INSC: variants seen among roughly 807,000 people sequenced by gnomAD.
INSC encodes the protein protein inscuteable homolog.
Under a neutral mutation model 58.6 loss-of-function variants are expected in INSC, and 67 were observed. The ratio of observed to expected loss-of-function variants is 1.14; its 90% CI spans 0.94 to 1.40. The LOEUF is 1.40. Ranked by LOEUF, INSC falls within the 40% of genes most tolerant of loss-of-function variation. INSC has a pLI of 0.00. For missense variants in INSC, 714 were observed against 692.0 expected (o/e 1.03, Z -0.36); for synonymous variants, 262 against 276.1 (o/e 0.95, Z 0.51).
At chr11:15,118,772 T>G (rs1847797638) in intron 1 of INSC, among the ~76,000 whole-genome samples, 1 of 152,212 alleles carries the variant, frequency 6.6e-6, no homozygotes, top group Non-Finnish European at 1.5e-5. Context: ...TAAAAGCCAG[T>G]AAGAGCATTG....
At chr11:15,258,167 C>T in the INSC span, among the ~76,000 whole-genome samples, 1 of 152,038 alleles carries the variant, frequency 6.6e-6, no homozygotes, top group African/African-American at 2.4e-5. Context: ...TAAACTATCC[C>T]AAAATGAATC....
chr11:15,254,257 G>C, the INSC span, among the ~76,000 whole-genome samples: 2 of 152,126 alleles, frequency 1.3e-5, no homozygotes, highest in South Asian at 2.1e-4. Flanking sequence ...AGAAAGTAGG[G>C]ACTTAGTACC....
chr11:15,200,472 G>C (rs1003906961), intron 6 of INSC, among the ~76,000 whole-genome samples: 1 of 152,026 alleles, frequency 6.6e-6, no homozygotes, highest in Non-Finnish European at 1.5e-5. Flanking sequence ...CCTGCTCTAT[G>C]GGAGGCTGCT....
intron 1 of INSC, among the ~76,000 whole-genome samples, chr11:15,115,621 G>T (rs1847673821): frequency 6.6e-6 from 1 of 152,144 alleles, no homozygotes; most frequent in African/African-American, 2.4e-5. Flanking sequence ...GAGACAGCTT[G>T]GGAGACCCCA....
chr11:15,215,916 C>T (rs891154584), intron 7 of INSC, among the ~76,000 whole-genome samples: 1 of 152,094 alleles, frequency 6.6e-6, no homozygotes, highest in Non-Finnish European at 1.5e-5. Context: ...GGGAAAATGA[C>T]CACTTCAGCT....
intron 6 of INSC, among the ~76,000 whole-genome samples, chr11:15,198,701 A>C (rs1850464877): frequency 1.3e-5 from 2 of 152,124 alleles, no homozygotes; most frequent in Admixed American, 1.3e-4. Flanking sequence ...CATCTGGAAG[A>C]AGGCTAGAAA....
chr11:15,266,587 A>G, the INSC span, among the ~76,000 whole-genome samples: 1 of 152,020 alleles, frequency 6.6e-6, no homozygotes, highest in South Asian at 2.1e-4. Context: ...TGTCCAAATT[A>G]GAAGCTATCT....
chr11:15,143,234 A>G (rs1848414589), intron 1 of INSC, among the ~76,000 whole-genome samples: 2 of 152,216 alleles, frequency 1.3e-5, no homozygotes, highest in Non-Finnish European at 2.9e-5. Context: ...CAATTGTGAT[A>G]AAGTCTATGG....
chr11:15,143,281 G>A (rs1848415908), intron 1 of INSC, among the ~76,000 whole-genome samples: 1 of 152,216 alleles, frequency 6.6e-6, no homozygotes, highest in South Asian at 2.1e-4. Context: ...ATCTTATAAT[G>A]AAGGACATGA....
intron 9 of INSC, among the ~76,000 whole-genome samples, chr11:15,226,300 G>A (rs1485324100): frequency 6.6e-6 from 1 of 152,114 alleles, no homozygotes; most frequent in Non-Finnish European, 1.5e-5. Flanking sequence ...TTATCTCCAT[G>A]AGAAACAGGG....
chr11:15,230,010 TATAATA>T, intron 9 of INSC, among the ~76,000 whole-genome samples: 1 of 28,176 alleles, frequency 3.5e-5, no homozygotes, highest in African/African-American at 1.6e-4. Context: ...TATATATATA[TATAATA>T]TATATATATA....
rs996864010 is a variant in INSC at position 15,115,016 on chromosome 11, C to T, written c.-46+13C>T. The T allele has an allele frequency of 1.0e-6, 1 of 985,386 alleles. No individual in the cohort carries two copies. The highest frequency in any genetic ancestry group is 5.2e-4 in the Middle Eastern group (1 of 1,914). The allele number at this position is 985,386 out of a possible 1,614,324, so 61.0% of individuals were successfully genotyped here. A position where few individuals can be genotyped will look rare whatever the true frequency, so the allele number is the denominator to read the frequency against. ...TCTCGCACGCTAAGTAAGTAGACAGCTCCCCTAGCTGGATTCAGGGGGCTG... is the reference window on the plus strand; with the variant it reads ...TCTCGCACGCTAAGTAAGTAGACAGTTCCCCTAGCTGGATTCAGGGGGCTG... On this transcript the variant is annotated intron_variant, in intron 1 of 12. Coordinates refer to ENST00000379556, the MANE Select transcript of INSC (RefSeq NM_001042536.3).
intron 3 of INSC, 125 bp from the exon 4 acceptor site, chr11:15,176,986 A>G (rs1849593476): frequency 1.3e-6 from 1 of 789,082 alleles, no homozygotes; most frequent in Non-Finnish European, 2.2e-6. Flanking sequence ...GTTATATTTT[A>G]ACTGCCTGTT....
chr11:15,122,719 A>G (rs1384602808), intron 1 of INSC, among the ~76,000 whole-genome samples: 1 of 151,832 alleles, frequency 6.6e-6, no homozygotes, highest in Admixed American at 6.6e-5. Flanking sequence ...ACTTCTTTCC[A>G]TCTCCACCAG....
intron 5 of INSC, among the ~76,000 whole-genome samples, chr11:15,186,106 G>A (rs1217494020): frequency 1.3e-5 from 2 of 152,178 alleles, no homozygotes; most frequent in African/African-American, 2.4e-5. Context: ...ATCATCCTCA[G>A]CAGATACCTG....
chr11:15,112,564 C>T (rs1265431156), upstream of INSC: 2 of 1,498,152 alleles, frequency 1.3e-6, no homozygotes, highest in Non-Finnish European at 9.0e-7. Context: ...CTGTGCTGTG[C>T]CGTATGTATC....
chr11:15,250,539 G>A (rs78698181), downstream of INSC, among the ~76,000 whole-genome samples: 19,464 of 152,070 alleles, frequency 0.13, 1,416 homozygotes, highest in Middle Eastern at 0.17. Context: ...TATTGCTCAC[G>A]CATCTCCACT....
intron 5 of INSC, among the ~76,000 whole-genome samples, chr11:15,189,637 A>T (rs961073893): frequency 6.6e-6 from 1 of 152,256 alleles, no homozygotes; most frequent in South Asian, 2.1e-4. Flanking sequence ...GTATTTAATT[A>T]AAACTAAATT....
downstream of INSC, among the ~76,000 whole-genome samples, chr11:15,248,810 G>T (rs1852619703): frequency 6.6e-6 from 1 of 152,194 alleles, no homozygotes; most frequent in South Asian, 2.1e-4. Flanking sequence ...TTTAACTCAG[G>T]TGGTTCAAAT....
Sources: allele counts gnomAD v4.1 joint callset (sites outside exome capture counted in the v4.1 genomes callset), GRCh38; gene constraint gnomAD v4.1.1; transcripts MANE v1.5; gene names NCBI Gene and HGNC (gene_info 2026-07-23, HGNC 2026-07-21).